BTBD16: variants seen among roughly 807,000 people sequenced by gnomAD.
BTBD16 encodes BTB domain containing 16.
A neutral mutation model predicts 67.4 loss-of-function variants in BTBD16; 66 were observed. The ratio of observed to expected loss-of-function variants is 0.98; its 90% CI spans 0.80 to 1.20. The LOEUF (loss-of-function observed/expected upper bound fraction) is 1.20. Ranked by LOEUF, BTBD16 falls within the 50% of genes most tolerant of loss-of-function variation. The pLI, the probability that BTBD16 is intolerant of heterozygous loss-of-function variation, is 0.00. For synonymous variants in BTBD16, 242 were observed against 236.4 expected, an observed-to-expected ratio of 1.02 and a Z score of -0.22; for missense variants, 634 against 616.0, an observed-to-expected ratio of 1.03 and a Z score of -0.31.
chr10:122,308,911 TC>T (rs1305205949), intron 10 of BTBD16, among the ~76,000 whole-genome samples: 2 of 152,040 alleles, frequency 1.3e-5, no homozygotes, highest in Non-Finnish European at 2.9e-5. Flanking sequence ...TGCTCCTGCT[TC>T]CCCCAGTCCC....
At position 122,332,878 on chromosome 10, in the gene BTBD16, C is replaced by T. The variant is rs567828641; in HGVS notation, c.1164+365C>T. The T allele has an allele frequency of 1.7e-5, 17 of 985,340 alleles. No homozygotes were observed. In the African/African-American group the frequency reaches 2.6e-4, roughly 15 times the overall value. The allele number at this position is 985,340 out of a possible 1,614,324, so 61.0% of individuals were successfully genotyped here. A position where few individuals can be genotyped will look rare whatever the true frequency, so the allele number is the denominator to read the frequency against. ...AAACACCAACAGTTGCAAACTGGCT[C>T]AACAAGAGACTCCATGCCAAGTCCA... On this transcript the variant is annotated intron_variant, in intron 13 of 15. Coordinates refer to ENST00000260723, the MANE Select transcript of BTBD16 (RefSeq NM_144587.5).
intron 13 of BTBD16, among the ~76,000 whole-genome samples, chr10:122,333,423 G>A (rs1197796954): frequency 1.3e-5 from 2 of 152,048 alleles, no homozygotes; most frequent in Non-Finnish European, 2.9e-5. Flanking sequence ...AAATAATATC[G>A]TCACTGTTCA....
At chr10:122,336,128 C>T (rs984746100) in intron 14 of BTBD16, among the ~76,000 whole-genome samples, 1 of 152,158 alleles carries the variant, frequency 6.6e-6, no homozygotes, top group Non-Finnish European at 1.5e-5. Flanking sequence ...CTGACTCAGG[C>T]ATCTCCCTAC....
chr10:122,284,666 A>G (rs1277810560), intron 4 of BTBD16, among the ~76,000 whole-genome samples: 1 of 132,390 alleles, frequency 7.6e-6, no homozygotes, highest in Non-Finnish European at 1.5e-5. Context: ...GCAGCTTCTT[A>G]AAGTGGATTT....
At position 122,336,665 on chromosome 10, in the gene BTBD16, T is replaced by A; in HGVS notation, c.1435T>A (p.Ser479Thr). The change falls in exon 15 of 16, where the codon TCA (serine) becomes ACA (threonine). Residue 479 changes from serine to threonine, a missense_variant. Coordinates refer to ENST00000260723, the MANE Select transcript of BTBD16 (RefSeq NM_144587.5). ...QIKQKFGLTT[S>T]SCKSHTLKIQ... ...CAAGCAGAAGTTTGGGTTGACCACG[T>A]CATCCTGCAAAAGCCATGCAAGTGT... The A allele has an allele frequency of 6.3e-7, 1 of 1,587,610 alleles. No homozygotes were observed. Among genetic ancestry groups the A allele is most frequent in the South Asian group, 1.2e-5 (1 of 86,514 alleles).
intron 10 of BTBD16, among the ~76,000 whole-genome samples, chr10:122,315,744 A>C (rs1005173334): frequency 6.6e-6 from 1 of 152,176 alleles, no homozygotes; most frequent in Non-Finnish European, 1.5e-5. Flanking sequence ...CTGTTTTTCA[A>C]GGAACGTGTA....
intron 13 of BTBD16, 89 bp downstream of exon 13, chr10:122,332,602 G>A (rs2096457018): frequency 7.3e-7 from 1 of 1,367,820 alleles, no homozygotes; most frequent in Non-Finnish European, 1.0e-6. Context: ...ATCACTTCTG[G>A]CTCCTGGTAG....
chr10:122,294,108 T>A, intron 7 of BTBD16: 1 of 984,804 alleles, frequency 1.0e-6, no homozygotes, highest in Middle Eastern at 5.2e-4. Context: ...TCCAGATAAT[T>A]GTGGTGGGGC....
intron 5 of BTBD16, among the ~76,000 whole-genome samples, chr10:122,287,241 G>C (rs1590055667): frequency 6.6e-6 from 1 of 152,206 alleles, no homozygotes; most frequent in Non-Finnish European, 1.5e-5. Context: ...TCAAGGGCCA[G>C]ACTGGGCTCT....
chr10:122,327,034 C>T (rs763827535), intron 10 of BTBD16, among the ~76,000 whole-genome samples: 5 of 152,192 alleles, frequency 3.3e-5, no homozygotes, highest in East Asian at 3.9e-4. Flanking sequence ...CAGGTGCCTC[C>T]GCTCCCAGAC....
At chr10:122,327,643 T>C (rs2096447581) in intron 10 of BTBD16, 29 of 985,362 alleles carry the variant, frequency 2.9e-5, no homozygotes, top group Non-Finnish European at 3.3e-5. Flanking sequence ...GTGGGCATCA[T>C]TGCCACTTCC....
intron 1 of BTBD16, among the ~76,000 whole-genome samples, chr10:122,273,435 A>G (rs1385873265): frequency 6.6e-6 from 1 of 152,136 alleles, no homozygotes; most frequent in Admixed American, 6.6e-5. Context: ...ATAATGATGC[A>G]TTCACTGTAT....
intron 10 of BTBD16, chr10:122,328,974 C>A: frequency 2.3e-6 from 1 of 433,946 alleles, no homozygotes; most frequent in Non-Finnish European, 3.1e-6. Flanking sequence ...TTTCAGAAAG[C>A]ACTTTTGCAG....
rs940740162 is a variant in BTBD16, at chr10:122,278,011, A to G, written c.167+1072A>G. On this transcript the variant is annotated intron_variant, in intron 3 of 15. Coordinates refer to ENST00000260723, the MANE Select transcript of BTBD16 (RefSeq NM_144587.5). ...CCTGGGACAGCACCTGGCACAGAAG[A>G]ACTGCCTGCTCAATCTTTCTTCAGC... Among the ~76,000 whole-genome samples the G allele has an allele frequency of 4.7e-4, 72 of 152,180 alleles. 3 individuals are homozygous for G. The highest frequency in any genetic ancestry group is 7.3e-5 in the Non-Finnish European group (5 of 68,034).
At chr10:122,305,795 G>A (rs1198249348) in intron 9 of BTBD16, among the ~76,000 whole-genome samples, 1 of 152,152 alleles carries the variant, frequency 6.6e-6, no homozygotes, top group African/African-American at 2.4e-5. Flanking sequence ...GTGTCCATGT[G>A]TACTCAATGT....
Position 122,315,781 on chromosome 10 carries a change from A to G in BTBD16, c.911+8473A>G, listed in dbSNP as rs80284999. Among the ~76,000 whole-genome samples the G allele has an allele frequency of 3.4e-3, 521 of 152,310 alleles. 5 individuals carry two copies. Among genetic ancestry groups the G allele is most frequent in the African/African-American group, 0.012 (495 of 41,562 alleles). Reference sequence around the variant, plus strand: ...TTTTCATCTAAATTGTTTTAAATTTATTGACACCAGTAATTAACAAACTTT... The same window carrying G: ...TTTTCATCTAAATTGTTTTAAATTTGTTGACACCAGTAATTAACAAACTTT... On this transcript the variant is annotated intron_variant, in intron 10 of 15. Coordinates refer to ENST00000260723, the MANE Select transcript of BTBD16 (RefSeq NM_144587.5).
At chr10:122,296,600 A>G (rs1269575809) in intron 7 of BTBD16, among the ~76,000 whole-genome samples, 1 of 152,230 alleles carries the variant, frequency 6.6e-6, no homozygotes, top group Non-Finnish European at 1.5e-5. Context: ...CAGAGAGGTT[A>G]GTATTAGCTG....
chr10:122,329,693 G>A (rs2096451996), intron 11 of BTBD16, 122 bp downstream of exon 11: 1 of 780,320 alleles, frequency 1.3e-6, no homozygotes, highest in Admixed American at 2.3e-5. Flanking sequence ...TCGTGGCATT[G>A]TCACTTCCAA....
intron 5 of BTBD16, among the ~76,000 whole-genome samples, chr10:122,289,129 G>T (rs11200533): frequency 0.15 from 22,647 of 152,114 alleles, 2,257 homozygotes; most frequent in African/African-American, 0.27. Context: ...AGCCACCACA[G>T]GGACACCTCA....
Sources: gnomAD v4.1 joint callset for allele counts (sites outside exome capture counted in the v4.1 genomes callset) on GRCh38, gnomAD v4.1.1 for gene constraint, MANE v1.5 for transcripts, NCBI Gene and HGNC (gene_info 2026-07-23, HGNC 2026-07-21) for gene names.